TRPM7: variants seen among roughly 807,000 people sequenced by gnomAD.
TRPM7 encodes the protein LTRPC ion channel family member 7.
Under a neutral mutation model 229.7 loss-of-function variants are expected in TRPM7, and 134 were observed. The observed-to-expected ratio is 0.58, with a 90% confidence interval of 0.51 to 0.67. The LOEUF (loss-of-function observed/expected upper bound fraction) is 0.67, where lower values mean the gene tolerates loss of function less well. TRPM7 is among the 30% of genes least tolerant of loss of function. The pLI is 0.00. For missense variants in TRPM7, 1,901 were observed against 2,210.0 expected, an observed-to-expected ratio of 0.86 and a Z score of 2.80; for synonymous variants, 699 against 715.2, an observed-to-expected ratio of 0.98 and a Z score of 0.36.
Position 50,565,494 on chromosome 15 carries a change from CATG to C in TRPM7, c.5468-3689_5468-3687del, listed in dbSNP as rs746972385. ...TATACGTCAAAATAAGGAAAATTAC[CATG>C]ATATTATTAATACACAATGATAAAA... On this transcript the variant is annotated intron_variant, in intron 38 of 38. Transcript: ENST00000646667. Among the ~76,000 whole-genome samples the C allele has an allele frequency of 9.2e-5, 14 of 152,054 alleles. No homozygotes were observed. The East Asian group carries it at 2.5e-3, about 27-fold the overall frequency.
intron 21 of TRPM7, chr15:50,604,060 A>G (rs2059853310): frequency 6.6e-6 from 1 of 152,190 alleles, no homozygotes; most frequent in East Asian, 1.9e-4. Flanking sequence ...CTATATTACA[A>G]ATTTTGCCTT....
chr15:50,585,050 A>AC (rs1555405170), intron 28 of TRPM7, among the ~76,000 whole-genome samples: 1 of 95,060 alleles, frequency 1.1e-5, no homozygotes, highest in Non-Finnish European at 2.0e-5. Context: ...TAATTTTTGT[A>AC]TTTTTTTTTT....
At position 50,605,156 on chromosome 15, in the gene TRPM7, A is replaced by G. The variant is rs747250895; in HGVS notation, c.2710-12T>C. ...TCAGACATAAAGATCTAAAGGTTTA[A>G]CAACAACAAAAAAAAGTGTAATCAG... is the stretch of plus-strand genomic sequence containing the variant. On this transcript the variant is annotated splice_polypyrimidine_tract_variant and intron_variant, in intron 20 of 38. Transcript: ENST00000646667. 1.3e-6 allele frequency: 2 copies of G among 1,559,734 alleles called. No homozygotes were observed. Among genetic ancestry groups the G allele is most frequent in the Admixed American group, 2.0e-5 (1 of 49,430 alleles).
At chr15:50,625,227 A>C (rs1380565839) in intron 11 of TRPM7, among the ~76,000 whole-genome samples, 1 of 152,152 alleles carries the variant, frequency 6.6e-6, no homozygotes, top group Non-Finnish European at 1.5e-5. Context: ...ATTATTAAAA[A>C]CATCTCTGTG....
chr15:50,669,583 A>G (rs1423818745), intron 1 of TRPM7, among the ~76,000 whole-genome samples: 2 of 152,242 alleles, frequency 1.3e-5, no homozygotes, highest in Admixed American at 6.5e-5. Flanking sequence ...CTGGCCAAGT[A>G]TAACAAAGCA....
chr15:50,580,412 T>C (rs1456080763), intron 30 of TRPM7, among the ~76,000 whole-genome samples: 1 of 152,198 alleles, frequency 6.6e-6, no homozygotes, highest in African/African-American at 2.4e-5. Context: ...AGCTTTCTAG[T>C]GGATCTTCCT....
At chr15:50,672,055 GGTTTTT>G (rs200619026) in intron 1 of TRPM7, among the ~76,000 whole-genome samples, 2,107 of 151,988 alleles carry the variant, frequency 0.014, 44 homozygotes, top group African/African-American at 0.049. Context: ...TTGTTTGGTT[GGTTTTT>G]GTTTTTGTTT....
intron 7 of TRPM7, among the ~76,000 whole-genome samples, chr15:50,634,879 A>G (rs373501090): frequency 7.2e-5 from 11 of 152,338 alleles, no homozygotes; most frequent in Admixed American, 2.6e-4. Flanking sequence ...TTTGTTTTCC[A>G]TATTTTACTG....
Position 50,632,316 on chromosome 15 carries a change from A to G in TRPM7, c.1131+553T>C, listed in dbSNP as rs140803357. On this transcript the variant is annotated intron_variant, in intron 9 of 38. Transcript: ENST00000646667. ...TCCAAAAAAAAAAATAAATAAAAAT[A>G]AAGAAAAGAACGTGAAACATTATTA... is the stretch of plus-strand genomic sequence containing the variant. Among the ~76,000 whole-genome samples the G allele has an allele frequency of 4.6e-5, 7 of 152,264 alleles. No individual in the cohort carries two copies. In the East Asian group the frequency reaches 1.4e-3, roughly 29 times the overall value.
intron 4 of TRPM7, among the ~76,000 whole-genome samples, chr15:50,645,646 A>G (rs1023799646): frequency 6.6e-6 from 1 of 152,148 alleles, no homozygotes; most frequent in Non-Finnish European, 1.5e-5. Flanking sequence ...TTGTTCTATA[A>G]TAAGTCTTTC....
chr15:50,570,012 T>A lies in TRPM7; in HGVS notation c.5361-19A>T, dbSNP rs192362109. 0.011 allele frequency: 17,319 copies of A among 1,586,880 alleles called. 114 individuals carry two copies. The highest frequency in any genetic ancestry group is 0.012 in the Non-Finnish European group (14,005 of 1,166,432). On this transcript the variant is annotated intron_variant, in intron 37 of 38. Coordinates refer to ENST00000646667, the MANE Select transcript of TRPM7 (RefSeq NM_017672.6). ...ACAGGATCTGTAGAATTGGTAATTT[T>A]AAAAAAAACAACAAAAAAAAGGGGG...
chr15:50,609,268 A>G (rs1023958770), intron 19 of TRPM7, among the ~76,000 whole-genome samples: 1 of 152,198 alleles, frequency 6.6e-6, no homozygotes, highest in African/African-American at 2.4e-5. Context: ...ACTGTGTATC[A>G]GAATCTCTTT....
Position 50,586,466 on chromosome 15 carries a change from GTGTTTTCAGAAGTAT to G in TRPM7, c.4397_4411del (p.Asn1466_Asn1470del). Reference sequence around the variant, plus strand: ...AGCAAGAGAACTCACTCGTTTCAAAGTGTTTTCAGAAGTATTGTTATTCTGCAAATATTGTGCAGA... The same window carrying G: ...AGCAAGAGAACTCACTCGTTTCAAAGTGTTATTCTGCAAATATTGTGCAGA... On this transcript the variant is annotated inframe_deletion, in exon 28 of 39. Transcript: ENST00000646667. 2.5e-6 allele frequency: 4 copies of G among 1,612,218 alleles called. No homozygotes were observed. Among genetic ancestry groups the G allele is most frequent in the Non-Finnish European group, 3.4e-6 (4 of 1,178,538 alleles).
At chr15:50,673,431 T>C (rs969365254) in intron 1 of TRPM7, among the ~76,000 whole-genome samples, 1 of 152,050 alleles carries the variant, frequency 6.6e-6, no homozygotes, top group African/African-American at 2.4e-5. Flanking sequence ...TCCCACCCTT[T>C]CTCCCTGAGT....
chr15:50,589,341 AG>A (rs1158252531), intron 27 of TRPM7, among the ~76,000 whole-genome samples: 4 of 149,892 alleles, frequency 2.7e-5, no homozygotes, highest in Non-Finnish European at 3.0e-5. Context: ...AAAAAAAAAA[AG>A]AGAGAAATGT....
chr15:50,676,624 G>T (rs1341448118), intron 1 of TRPM7, among the ~76,000 whole-genome samples: 1 of 151,892 alleles, frequency 6.6e-6, no homozygotes, highest in Non-Finnish European at 1.5e-5. Flanking sequence ...CCAAAAGCAA[G>T]CAGAAACCAG....
At position 50,672,012 on chromosome 15, in the gene TRPM7, C is replaced by T. The variant is rs778498168; in HGVS notation, c.4-8966G>A. 1.4e-4 allele frequency among the ~76,000 whole-genome samples: 22 copies of T among 152,092 alleles called. 1 individual carries two copies. Among genetic ancestry groups the T allele is most frequent in the Admixed American group, 7.9e-4 (12 of 15,256 alleles). ...TGATTTATGTATTTACTAGACTACG[C>T]TTTTTATGGTTAGAGTGTACTCCTA... On this transcript the variant is annotated intron_variant, in intron 1 of 38. Coordinates refer to ENST00000646667, the MANE Select transcript of TRPM7 (RefSeq NM_017672.6).
At chr15:50,608,462 A>G (rs548363181) in intron 19 of TRPM7, among the ~76,000 whole-genome samples, 1 of 152,344 alleles carries the variant, frequency 6.6e-6, no homozygotes, top group East Asian at 1.9e-4. Context: ...ACTGCAGTAA[A>G]GAAAGAAAAG....
At chr15:50,654,710 C>G (rs1410125118) in intron 3 of TRPM7, among the ~76,000 whole-genome samples, 5 of 150,912 alleles carry the variant, frequency 3.3e-5, no homozygotes, top group Admixed American at 3.3e-4. Flanking sequence ...TGAAAATTCA[C>G]TGGATGGGCT....
Sources: allele counts gnomAD v4.1 joint callset (sites outside exome capture counted in the v4.1 genomes callset), GRCh38; gene constraint gnomAD v4.1.1; transcripts MANE v1.5; gene names NCBI Gene and HGNC (gene_info 2026-07-23, HGNC 2026-07-21).